GALNTL6: variants seen among roughly 807,000 people sequenced by gnomAD.
GALNTL6 encodes the protein polypeptide N-acetylgalactosaminyltransferase-like 6.
GALNTL6 carries 46 observed loss-of-function variants against 73.7 expected under a neutral mutation model. That is an observed-to-expected ratio of 0.62 (90% CI 0.49 to 0.80). The LOEUF is 0.80. Ranked by LOEUF, GALNTL6 falls within the 30% of genes least tolerant of loss-of-function variation. The pLI, the probability that GALNTL6 is intolerant of heterozygous loss-of-function variation, is 0.00. For missense variants in GALNTL6, 604 were observed against 755.0 expected, an observed-to-expected ratio of 0.80 and a Z score of 2.34; for synonymous variants, 259 against 263.7, an observed-to-expected ratio of 0.98 and a Z score of 0.17.
At chr4:172,147,850 C>T (rs1009299167) in intron 2 of GALNTL6, among the ~76,000 whole-genome samples, 13 of 152,206 alleles carry the variant, frequency 8.5e-5, no homozygotes, top group East Asian at 1.9e-4. Flanking sequence ...AAACAATCCT[C>T]GAATACCTGA....
At chr4:172,414,942 A>C (rs1261645509) in intron 5 of GALNTL6, among the ~76,000 whole-genome samples, 3 of 152,180 alleles carry the variant, frequency 2.0e-5, no homozygotes, top group African/African-American at 7.2e-5. Flanking sequence ...CTCTTACAAT[A>C]ACATCCTTTT....
chr4:171,862,633 A>T (rs182741816), intron 2 of GALNTL6, among the ~76,000 whole-genome samples: 11 of 152,212 alleles, frequency 7.2e-5, no homozygotes, highest in Admixed American at 7.2e-4. Context: ...TATTGAAATT[A>T]TGCCTTATTA....
intron 2 of GALNTL6, among the ~76,000 whole-genome samples, chr4:172,042,420 CTCTTA>C (rs1182128841): frequency 6.6e-6 from 1 of 152,028 alleles, no homozygotes; most frequent in African/African-American, 2.4e-5. Flanking sequence ...GCCTAGACTT[CTCTTA>C]TGAGACCCAG....
intron 2 of GALNTL6, among the ~76,000 whole-genome samples, chr4:171,906,133 T>A (rs1737267563): frequency 6.6e-6 from 1 of 151,224 alleles, no homozygotes; most frequent in South Asian, 2.1e-4. Flanking sequence ...AGGCAAGAAA[T>A]AACTAAAATC....
chr4:172,109,047 T>TTTGAA (rs768680470), intron 2 of GALNTL6, among the ~76,000 whole-genome samples: 10 of 149,376 alleles, frequency 6.7e-5, no homozygotes, highest in African/African-American at 1.2e-4. Context: ...AAAAAAGATA[T>TTTGAA]TTGAATTTGG....
At chr4:172,548,980 T>A (rs1041295138) in intron 5 of GALNTL6, among the ~76,000 whole-genome samples, 5 of 152,162 alleles carry the variant, frequency 3.3e-5, no homozygotes, top group African/African-American at 4.8e-5. Flanking sequence ...ACTAGGTAAA[T>A]GTTTTTGTTT....
Position 172,564,930 on chromosome 4 carries a change from C to A in GALNTL6, c.553+216241C>A, listed in dbSNP as rs568076861. 3.9e-5 allele frequency among the ~76,000 whole-genome samples: 6 copies of A among 152,310 alleles called. No individual in the cohort carries two copies. In the South Asian group the frequency reaches 1.2e-3, roughly 32 times the overall value. On this transcript the variant is annotated intron_variant, in intron 5 of 12. Coordinates refer to ENST00000506823, the MANE Select transcript of GALNTL6 (RefSeq NM_001034845.3). ...ACTAATGTTAAATGGGTGTCTTAGTCCATTCAAACTGCTATAAAAATATAC... is the reference window on the plus strand; with the variant it reads ...ACTAATGTTAAATGGGTGTCTTAGTACATTCAAACTGCTATAAAAATATAC...
At chr4:172,885,068 C>A (rs907555294) in intron 8 of GALNTL6, among the ~76,000 whole-genome samples, 3 of 152,098 alleles carry the variant, frequency 2.0e-5, no homozygotes, top group Admixed American at 1.3e-4. Flanking sequence ...ATGACTCCAG[C>A]TTTGTTCTTT....
chr4:172,448,932 C>T (rs1295142469), intron 5 of GALNTL6, among the ~76,000 whole-genome samples: 2 of 152,070 alleles, frequency 1.3e-5, no homozygotes, highest in Non-Finnish European at 2.9e-5. Flanking sequence ...ATTCACTTTC[C>T]CTTTTAATAA....
rs563632200 is a variant in GALNTL6 at position 172,826,390 on chromosome 4, G to A, written c.923+12667G>A. ...TTCCTAATTGTTCTGTGCCTCCACA[G>A]CCCATGGGCACACACGATGCAGGTG... On this transcript the variant is annotated intron_variant, in intron 7 of 12. Transcript: ENST00000506823. Among the ~76,000 whole-genome samples, 4 of 152,334 alleles carry A rather than the reference G, an allele frequency of 2.6e-5. No individual in the cohort carries two copies. In the South Asian group the frequency reaches 8.3e-4, roughly 32 times the overall value.
At chr4:172,159,253 A>G (rs900238600) in intron 2 of GALNTL6, among the ~76,000 whole-genome samples, 5 of 152,164 alleles carry the variant, frequency 3.3e-5, no homozygotes, top group African/African-American at 1.2e-4. Flanking sequence ...GGTACAATGT[A>G]TGAGATGATC....
chr4:171,997,147 CAT>C (rs1418608362), intron 2 of GALNTL6, among the ~76,000 whole-genome samples: 2 of 152,104 alleles, frequency 1.3e-5, no homozygotes, highest in Non-Finnish European at 2.9e-5. Flanking sequence ...CTTTGGAAAA[CAT>C]ATTTGAACTT....
chr4:173,009,295 G>C lies in GALNTL6; in HGVS notation c.1488+1G>C. 1 of 1,588,878 alleles carries C rather than the reference G, an allele frequency of 6.3e-7. No homozygotes were observed. The highest frequency in any genetic ancestry group is 8.6e-7 in the Non-Finnish European group (1 of 1,157,092). ...TGAAAGAACATGGTCTCATGAACAGGTGAGTCACCTCCCAGAAGCCAGGGC... is the reference window on the plus strand; with the variant it reads ...TGAAAGAACATGGTCTCATGAACAGCTGAGTCACCTCCCAGAAGCCAGGGC... On this transcript the variant is annotated splice_donor_variant, in intron 11 of 12. Transcript: ENST00000506823. LOFTEE classifies it high-confidence loss of function.
At chr4:172,069,269 C>G (rs1579106418) in intron 2 of GALNTL6, among the ~76,000 whole-genome samples, 1 of 107,052 alleles carries the variant, frequency 9.3e-6, no homozygotes, top group African/African-American at 3.5e-5. Flanking sequence ...TAGAACAATT[C>G]TTAAAACCAG....
intron 2 of GALNTL6, among the ~76,000 whole-genome samples, chr4:171,864,127 T>C (rs1382438938): frequency 1.3e-5 from 2 of 152,216 alleles, no homozygotes; most frequent in East Asian, 1.9e-4. Flanking sequence ...GTTTTGTTGA[T>C]TATTTGTGAA....
At chr4:172,559,030 G>C (rs1373104410) in intron 5 of GALNTL6, among the ~76,000 whole-genome samples, 1 of 142,366 alleles carries the variant, frequency 7.0e-6, no homozygotes, top group Non-Finnish European at 1.5e-5. Flanking sequence ...TGAGATATAA[G>C]TGGTAAGGAT....
intron 4 of GALNTL6, among the ~76,000 whole-genome samples, chr4:172,342,434 A>C (rs1741601315): frequency 6.6e-6 from 1 of 152,210 alleles, no homozygotes; most frequent in Admixed American, 6.5e-5. Context: ...TTCTTAGTTC[A>C]GGAACAGTGC....
At chr4:172,817,737 A>T (rs901051536) in intron 7 of GALNTL6, among the ~76,000 whole-genome samples, 2 of 152,176 alleles carry the variant, frequency 1.3e-5, no homozygotes, top group African/African-American at 4.8e-5. Flanking sequence ...ATTCCCTTCA[A>T]TGTGAGCAAC....
At chr4:172,055,950 G>C (rs183136494) in intron 2 of GALNTL6, among the ~76,000 whole-genome samples, 2 of 152,232 alleles carry the variant, frequency 1.3e-5, no homozygotes, top group Admixed American at 1.3e-4. Flanking sequence ...GTCAGTTTAT[G>C]ATGATGAAAT....
Sources: gnomAD v4.1 joint callset for allele counts (sites outside exome capture counted in the v4.1 genomes callset) on GRCh38, gnomAD v4.1.1 for gene constraint, MANE v1.5 for transcripts, NCBI Gene and HGNC (gene_info 2026-07-23, HGNC 2026-07-21) for gene names.